Variants in KIAA0825 observed in about 807,000 individuals in gnomAD.
KIAA0825 encodes the protein uncharacterized protein KIAA0825.
KIAA0825 carries 119 observed loss-of-function variants against 147.6 expected under a neutral mutation model. That is an observed-to-expected ratio of 0.81 (90% CI 0.69 to 0.94). The LOEUF is 0.94. Among genes scored for constraint, KIAA0825 ranks in the 40% least tolerant of loss-of-function variants. KIAA0825 has a pLI of 0.00. For synonymous variants in KIAA0825, 470 were observed against 518.1 expected (o/e 0.91, Z 1.26); for missense variants, 1,381 against 1,472.7 (o/e 0.94, Z 1.02).
intron 20 of KIAA0825, among the ~76,000 whole-genome samples, chr5:94,333,308 A>G (rs920431430): frequency 6.6e-6 from 1 of 152,108 alleles, no homozygotes; most frequent in African/African-American, 2.4e-5. Flanking sequence ...GCCCATGCCT[A>G]TGTCCTGAAT....
intron 18 of KIAA0825, among the ~76,000 whole-genome samples, chr5:94,390,045 C>A (rs1749693452): frequency 6.6e-6 from 1 of 152,182 alleles, no homozygotes; most frequent in Non-Finnish European, 1.5e-5. Flanking sequence ...GTATCCTGTT[C>A]AGAATCACTA....
chr5:94,485,057 G>T, intron 5 of KIAA0825, 127 bp from the exon 6 acceptor site: 1 of 533,212 alleles, frequency 1.9e-6, no homozygotes, highest in Non-Finnish European at 2.9e-6. Context: ...AACCAAATTA[G>T]TTCATTAAGA....
chr5:94,583,042 G>A (rs954847624), intron 1 of KIAA0825, among the ~76,000 whole-genome samples: 1 of 152,126 alleles, frequency 6.6e-6, no homozygotes, highest in African/African-American at 2.4e-5. Context: ...ACAGATTGCT[G>A]GGGGAGGCGC....
At chr5:94,304,015 G>A (rs2150183002) in intron 20 of KIAA0825, among the ~76,000 whole-genome samples, 1 of 152,194 alleles carries the variant, frequency 6.6e-6, no homozygotes. Flanking sequence ...CAGAAGACAG[G>A]ACTCAGAAGA....
At chr5:94,416,945 A>G (rs1753548716) in intron 15 of KIAA0825, 1 of 317,848 alleles carries the variant, frequency 3.1e-6, no homozygotes, top group Non-Finnish European at 5.9e-6. Flanking sequence ...TTATGATAGA[A>G]CATTCCCTAA....
intron 1 of KIAA0825, among the ~76,000 whole-genome samples, chr5:94,586,833 G>A (rs1325434675): frequency 6.6e-6 from 1 of 152,148 alleles, no homozygotes; most frequent in Non-Finnish European, 1.5e-5. Flanking sequence ...ACATCAGAAA[G>A]CTTATCCAAC....
intron 20 of KIAA0825, among the ~76,000 whole-genome samples, chr5:94,382,777 G>T (rs1748595925): frequency 1.3e-5 from 2 of 152,070 alleles, no homozygotes; most frequent in African/African-American, 4.8e-5. Flanking sequence ...ACAAAAATAT[G>T]CAATTCTGTG....
At chr5:94,519,636 A>G in intron 5 of KIAA0825, 1 of 618,790 alleles carries the variant, frequency 1.6e-6, no homozygotes, top group Non-Finnish European at 2.0e-6. Context: ...CTAATCAACT[A>G]CAATACAGAA....
intron 2 of KIAA0825, among the ~76,000 whole-genome samples, chr5:94,553,729 G>T (rs1008084718): frequency 6.7e-6 from 1 of 150,220 alleles, no homozygotes; most frequent in Admixed American, 6.6e-5. Flanking sequence ...TCGCGCCATT[G>T]CACTCCTTCC....
At chr5:94,347,390 C>G (rs142380845) in intron 20 of KIAA0825, among the ~76,000 whole-genome samples, 1 of 152,310 alleles carries the variant, frequency 6.6e-6, no homozygotes, top group East Asian at 1.9e-4. Flanking sequence ...AAAACCCTCA[C>G]GGAGTTCATT....
At chr5:94,185,387 TG>T (rs1770030076) in intron 20 of KIAA0825, among the ~76,000 whole-genome samples, 1 of 152,228 alleles carries the variant, frequency 6.6e-6, no homozygotes, top group African/African-American at 2.4e-5. Flanking sequence ...ATATGGTGTA[TG>T]GTTGAGAGGT....
chr5:94,322,563 A>C (rs967738606), intron 20 of KIAA0825, among the ~76,000 whole-genome samples: 4 of 151,946 alleles, frequency 2.6e-5, no homozygotes, highest in African/African-American at 9.6e-5. Flanking sequence ...AAATTACTGA[A>C]ACTGTAATTC....
intron 20 of KIAA0825, among the ~76,000 whole-genome samples, chr5:94,319,364 G>A (rs1027962080): frequency 6.6e-6 from 1 of 151,886 alleles, no homozygotes; most frequent in South Asian, 2.1e-4. Context: ...GTCCATCATG[G>A]CTTATAAATA....
At chr5:94,382,497 T>G (rs533739234) in intron 20 of KIAA0825, among the ~76,000 whole-genome samples, 2 of 152,230 alleles carry the variant, frequency 1.3e-5, no homozygotes, top group Non-Finnish European at 2.9e-5. Flanking sequence ...TCTTTAATCC[T>G]TCTAAGGTGG....
At position 94,550,164 on chromosome 5, in the gene KIAA0825, T is replaced by C. The variant is rs149168354; in HGVS notation, c.-1-13037A>G. Among the ~76,000 whole-genome samples, 1,424 of 152,238 alleles carry C rather than the reference T, an allele frequency of 9.4e-3. 35 individuals carry two copies. Among genetic ancestry groups the C allele is most frequent in the African/African-American group, 0.033 (1,362 of 41,516 alleles). ...ACCAGGCACAGAAAGACAAACATCA[T>C]ATGTGCTCACTTACCTGTGGAAGCT... On this transcript the variant is annotated intron_variant, in intron 2 of 20. Transcript: ENST00000682413.
chr5:94,601,157 G>T (rs72773507), intron 1 of KIAA0825, among the ~76,000 whole-genome samples: 1 of 151,968 alleles, frequency 6.6e-6, no homozygotes, highest in South Asian at 2.1e-4. Context: ...ATTACCTCCT[G>T]CATGTACATT....
chr5:94,560,405 G>A (rs1777337554), intron 2 of KIAA0825, among the ~76,000 whole-genome samples: 2 of 152,090 alleles, frequency 1.3e-5, no homozygotes, highest in East Asian at 3.9e-4. Context: ...TACCTTACAG[G>A]ATAACCATTT....
chr5:94,229,112 T>C (rs985094898), intron 20 of KIAA0825, among the ~76,000 whole-genome samples: 6 of 152,250 alleles, frequency 3.9e-5, no homozygotes, highest in African/African-American at 1.4e-4. Flanking sequence ...GCTTCCCTCC[T>C]GTGTTAGATT....
chr5:94,351,772 C>G (rs1783698312), intron 20 of KIAA0825, among the ~76,000 whole-genome samples: 2 of 151,924 alleles, frequency 1.3e-5, no homozygotes, highest in African/African-American at 4.8e-5. Context: ...ATAAATAACC[C>G]AGAAATAAAG....
Sources: gnomAD v4.1 joint callset for allele counts (sites outside exome capture counted in the v4.1 genomes callset) on GRCh38, gnomAD v4.1.1 for gene constraint, MANE v1.5 for transcripts, NCBI Gene and HGNC (gene_info 2026-07-23, HGNC 2026-07-21) for gene names.